Variants in CLIC5 observed in about 807,000 individuals in gnomAD.
CLIC5 encodes the protein chloride intracellular channel protein 5.
A neutral mutation model predicts 24.7 loss-of-function variants in CLIC5; 20 were observed. That is an observed-to-expected ratio of 0.81 (90% confidence interval 0.57 to 1.18). CLIC5 has a LOEUF of 1.18. Among genes scored for constraint, CLIC5 ranks in the 50% most tolerant of loss-of-function variants. The pLI is 0.00. For missense variants in CLIC5, 341 were observed against 326.1 expected, an observed-to-expected ratio of 1.05 and a Z score of -0.35; for synonymous variants, 159 against 135.6, an observed-to-expected ratio of 1.17 and a Z score of -1.20.
chr6:46,091,451 C>A, the CLIC5 span, among the ~76,000 whole-genome samples: 1 of 152,130 alleles, frequency 6.6e-6, no homozygotes, highest in Non-Finnish European at 1.5e-5. Flanking sequence ...AAAGGCTAAA[C>A]AGGGCTTAGC....
intron 1 of CLIC5, among the ~76,000 whole-genome samples, chr6:45,960,511 G>A (rs1471451430): frequency 6.6e-6 from 1 of 152,210 alleles, no homozygotes; most frequent in Non-Finnish European, 1.5e-5. Flanking sequence ...TGGGCTGGGG[G>A]TGGGCAGTGT....
At chr6:46,072,763 T>G (rs1484783262) in intron 1 of CLIC5, among the ~76,000 whole-genome samples, 1 of 152,192 alleles carries the variant, frequency 6.6e-6, no homozygotes, top group Non-Finnish European at 1.5e-5. Flanking sequence ...CCCCATAGCT[T>G]ATTCTACCCC....
intron 1 of CLIC5, among the ~76,000 whole-genome samples, chr6:45,982,665 C>G (rs1045195657): frequency 1.3e-5 from 2 of 152,112 alleles, no homozygotes; most frequent in Non-Finnish European, 2.9e-5. Context: ...ATGGGACCAC[C>G]GTCTTCTACG....
chr6:45,904,453 C>G (rs558599813), intron 5 of CLIC5, among the ~76,000 whole-genome samples: 23 of 151,650 alleles, frequency 1.5e-4, no homozygotes, highest in Non-Finnish European at 3.1e-4. Context: ...CAGAAGAGCC[C>G]TGCTGTTGAT....
intron 1 of CLIC5, among the ~76,000 whole-genome samples, chr6:46,030,553 G>A (rs981569780): frequency 2.0e-5 from 3 of 151,706 alleles, no homozygotes; most frequent in African/African-American, 7.3e-5. Flanking sequence ...TTAGTGGCTC[G>A]GCATGGACTG....
intron 1 of CLIC5, among the ~76,000 whole-genome samples, chr6:45,997,467 C>A (rs1185341622): frequency 1.4e-5 from 2 of 146,452 alleles, no homozygotes; most frequent in Non-Finnish European, 3.0e-5. Flanking sequence ...AACTAACCTA[C>A]ACAATGTGCA....
intron 5 of CLIC5, among the ~76,000 whole-genome samples, chr6:45,903,603 T>C (rs9969032): frequency 0.16 from 24,399 of 152,112 alleles, 3,623 homozygotes; most frequent in African/African-American, 0.4. Context: ...TCCAACAATA[T>C]ATGAATACAT....
chr6:46,106,810 T>C, the CLIC5 span, among the ~76,000 whole-genome samples: 7 of 152,246 alleles, frequency 4.6e-5, no homozygotes, highest in Non-Finnish European at 1.0e-4. Context: ...CTACCACGTT[T>C]AATCTAAAAC....
Position 46,015,565 on chromosome 6 carries a change from G to T in CLIC5, c.-23C>A. On this transcript the variant is annotated 5_prime_UTR_variant, in exon 1 of 6. Transcript: ENST00000339561. Reference sequence around the variant, plus strand: ...CATGCCGTTGGCGCCCGGGGCTACCGTCCCGGGCCGGGGAGGCGCCACCTC... The same window carrying T: ...CATGCCGTTGGCGCCCGGGGCTACCTTCCCGGGCCGGGGAGGCGCCACCTC... 6.4e-7 allele frequency: 1 copy of T among 1,553,256 alleles called. No individual in the cohort carries two copies. The highest frequency in any genetic ancestry group is 8.7e-7 in the Non-Finnish European group (1 of 1,150,620).
At chr6:46,107,967 G>C in the CLIC5 span, among the ~76,000 whole-genome samples, 2 of 145,066 alleles carry the variant, frequency 1.4e-5, no homozygotes, top group Non-Finnish European at 3.0e-5. Flanking sequence ...CCAGGAGGCT[G>C]GGGTTGCAGT....
Position 45,902,849 on chromosome 6 carries a change from C to A in CLIC5, c.*239G>T. The A allele has an allele frequency of 1.9e-6, 1 of 525,916 alleles. No homozygotes were observed. Among genetic ancestry groups the A allele is most frequent in the Non-Finnish European group, 3.4e-6 (1 of 297,082 alleles). 32.6% of individuals were successfully genotyped at this position (525,916 alleles called of 1,614,324 possible). On this transcript the variant is annotated 3_prime_UTR_variant, in exon 6 of 6. Transcript: ENST00000339561. ...CCAAACATGCTGAGCCCAGATCAGG[C>A]TGGCCGGCCGAAAGGTGGACTGTGT...
At chr6:45,977,369 T>A (rs1389699452) in intron 1 of CLIC5, among the ~76,000 whole-genome samples, 3 of 152,190 alleles carry the variant, frequency 2.0e-5, no homozygotes, top group Non-Finnish European at 2.9e-5. Flanking sequence ...GTGGCTTTTT[T>A]TGAAAGATGA....
chr6:46,087,839 T>G, the CLIC5 span, among the ~76,000 whole-genome samples: 3 of 152,118 alleles, frequency 2.0e-5, no homozygotes, highest in African/African-American at 7.2e-5. Flanking sequence ...ATGCTACATT[T>G]TGATGAGTTT....
At chr6:45,895,201 G>A (rs900764797), downstream of CLIC5, among the ~76,000 whole-genome samples, 3 of 152,018 alleles carry the variant, frequency 2.0e-5, no homozygotes, top group East Asian at 3.9e-4. Context: ...AGATGCATTC[G>A]TTTAAACCTT....
At chr6:45,957,538 G>A (rs1336042333) in intron 1 of CLIC5, among the ~76,000 whole-genome samples, 1 of 152,122 alleles carries the variant, frequency 6.6e-6, no homozygotes, top group African/African-American at 2.4e-5. Context: ...GCTGGGGAGG[G>A]CTGGTGTTGA....
chr6:45,974,516 TATATATAGAGAGAGAGAGAG>T (rs1765316922), intron 1 of CLIC5, among the ~76,000 whole-genome samples: 2 of 89,980 alleles, frequency 2.2e-5, no homozygotes, highest in African/African-American at 4.7e-5. Flanking sequence ...TATATATATA[TATATATAGAGAGAGAGAGAG>T]AGAGAGAGAG....
At chr6:45,971,854 A>G (rs1484645944) in intron 1 of CLIC5, among the ~76,000 whole-genome samples, 1 of 152,250 alleles carries the variant, frequency 6.6e-6, no homozygotes. Flanking sequence ...GAATTAAAAG[A>G]TAAGAACAAA....
chr6:45,908,514 G>T (rs77603154), intron 5 of CLIC5, among the ~76,000 whole-genome samples: 1 of 152,038 alleles, frequency 6.6e-6, no homozygotes, highest in South Asian at 2.1e-4. Context: ...TACTTTTGCC[G>T]TAATTTTGTT....
intron 4 of CLIC5, among the ~76,000 whole-genome samples, chr6:45,936,800 TGA>T (rs758771972): frequency 2.7e-4 from 41 of 151,908 alleles, no homozygotes; most frequent in Non-Finnish European, 4.3e-4. Flanking sequence ...GGCGTGTGGG[TGA>T]GAGATCTTAG....
Sources: allele counts gnomAD v4.1 joint callset (sites outside exome capture counted in the v4.1 genomes callset), GRCh38; gene constraint gnomAD v4.1.1; transcripts MANE v1.5; gene names NCBI Gene and HGNC (gene_info 2026-07-23, HGNC 2026-07-21).